JMY: variants seen among roughly 807,000 people sequenced by gnomAD.
The protein encoded by JMY is junction mediating and regulatory protein, p53 cofactor.
A neutral mutation model predicts 103.3 loss-of-function variants in JMY; 46 were observed. The ratio of observed to expected loss-of-function variants is 0.45; its 90% CI spans 0.35 to 0.57. JMY has a LOEUF of 0.57. JMY is among the 20% of genes least tolerant of loss of function. The probability of loss-of-function intolerance (pLI) is 0.00; values close to 1 mark genes in which losing one functional copy is unlikely to be tolerated. For missense variants in JMY, 1,238 were observed against 1,255.2 expected (o/e 0.99, Z 0.21); for synonymous variants, 526 against 489.3 (o/e 1.07, Z -0.99).
At chr5:79,242,638 G>C (rs576285341) in intron 1 of JMY, among the ~76,000 whole-genome samples, 1 of 152,264 alleles carries the variant, frequency 6.6e-6, no homozygotes, top group East Asian at 1.9e-4. Flanking sequence ...TAATCCAAAC[G>C]TGTGCCTTTT....
At chr5:79,308,225 G>A (rs1746945489) in intron 7 of JMY, among the ~76,000 whole-genome samples, 1 of 152,146 alleles carries the variant, frequency 6.6e-6, no homozygotes, top group Non-Finnish European at 1.5e-5. Context: ...TTTTAACAAA[G>A]TCCAATTTAC....
Position 79,300,783 on chromosome 5 carries a change from A to C in JMY, c.1801A>C (p.Lys601Gln). ...SAYLQREELQ[K>Q]LQQKARQLEA... ...GTACTTACAGAGAGAAGAGCTGCAG[A>C]AACTTCAGCAGAAAGCACGCCAGCT... Residue 601 changes from lysine (K) to glutamine (Q), a missense_variant, in exon 6 of 11, where the codon AAA becomes CAA. Physicochemically the swap from Lys to Gln is moderately conservative, Grantham distance 53. Transcript: ENST00000396137. 6.2e-7 allele frequency: 1 copy of C among 1,612,462 alleles called. No homozygotes were observed. Among genetic ancestry groups the C allele is most frequent in the Non-Finnish European group, 8.5e-7 (1 of 1,179,508 alleles).
At chr5:79,281,353 ATT>A (rs35881012) in intron 2 of JMY, among the ~76,000 whole-genome samples, 54,970 of 117,158 alleles carry the variant, frequency 0.47, 11,448 homozygotes, top group Non-Finnish European at 0.54. Context: ...CAAGAAATTA[ATT>A]TTTTTTTTTT....
At chr5:79,239,942 T>TA (rs1263195592) in intron 1 of JMY, among the ~76,000 whole-genome samples, 2 of 152,082 alleles carry the variant, frequency 1.3e-5, no homozygotes, top group Non-Finnish European at 2.9e-5. Context: ...TTACATTTTT[T>TA]AAAAAATGTG....
intron 1 of JMY, among the ~76,000 whole-genome samples, chr5:79,275,560 C>A (rs984813381): frequency 6.6e-6 from 1 of 152,140 alleles, no homozygotes; most frequent in Non-Finnish European, 1.5e-5. Flanking sequence ...TAGAGCCCTC[C>A]CTGCTTCCAA....
chr5:79,267,731 T>A (rs578038446), intron 1 of JMY, among the ~76,000 whole-genome samples: 12 of 152,330 alleles, frequency 7.9e-5, no homozygotes, highest in Admixed American at 3.3e-4. Context: ...TTTCTTTTTC[T>A]TGCCGAACAT....
intron 2 of JMY, chr5:79,284,719 A>G: frequency 6.3e-7 from 1 of 1,592,032 alleles, no homozygotes; most frequent in Non-Finnish European, 8.5e-7. Context: ...ACTCACTTCA[A>G]ACACACGACC....
chr5:79,306,490 A>AAACT (rs756378420), intron 7 of JMY, 29 bp downstream of exon 7: 1 of 1,502,544 alleles, frequency 6.7e-7, no homozygotes, highest in East Asian at 2.3e-5. Flanking sequence ...ATTTTGAACA[A>AAACT]AACTTAATTT....
Position 79,237,824 on chromosome 5 carries a change from T to A in JMY, c.1032+142T>A, listed in dbSNP as rs141952565. The A allele has an allele frequency of 2.0e-3, 1,398 of 689,190 alleles. 10 individuals carry two copies. Among genetic ancestry groups the A allele is most frequent in the African/African-American group, 0.02 (1,106 of 55,490 alleles). The allele number at this position is 689,190 out of a possible 1,614,324, so 42.7% of individuals were successfully genotyped here. On this transcript the variant is annotated intron_variant, in intron 1 of 10. Coordinates refer to ENST00000396137, the MANE Select transcript of JMY (RefSeq NM_152405.5). ...AGCGGAAACCAAGAGGGGTTCCTGA[T>A]CTACCTTGCCCTTCATCCCTCTCGG... is the stretch of plus-strand genomic sequence containing the variant.
At chr5:79,244,828 T>G (rs912895044) in intron 1 of JMY, among the ~76,000 whole-genome samples, 1 of 144,408 alleles carries the variant, frequency 6.9e-6, no homozygotes, top group Non-Finnish European at 1.5e-5. Context: ...TTCTTGTAAC[T>G]ATTTGTTTTT....
intron 1 of JMY, among the ~76,000 whole-genome samples, chr5:79,242,590 C>G (rs887836559): frequency 2.0e-5 from 3 of 152,144 alleles, no homozygotes; most frequent in African/African-American, 7.2e-5. Context: ...GGCTAAACAG[C>G]TGAGTAACCA....
At chr5:79,258,303 TTG>T (rs1322899487) in intron 1 of JMY, among the ~76,000 whole-genome samples, 30 of 136,930 alleles carry the variant, frequency 2.2e-4, no homozygotes, top group African/African-American at 7.2e-4. Context: ...AGGGCTTTTT[TTG>T]TTTTTGTTGT....
In JMY at chr5:79,241,543, G is replaced by A. The variant is rs62366072; in HGVS notation, c.1032+3861G>A. On this transcript the variant is annotated intron_variant, in intron 1 of 10. Transcript: ENST00000396137. ...TTCCTCAGTAAGAGGTTTTTACTTG[G>A]GGATGGTGAATTCCCTGTAAGAGGG... Among the ~76,000 whole-genome samples the A allele has an allele frequency of 5.2e-3, 796 of 152,244 alleles. 4 individuals are homozygous for A. Among genetic ancestry groups the A allele is most frequent in the Non-Finnish European group, 8.6e-3 (587 of 68,024 alleles).
At chr5:79,311,997 G>A (rs1561314687) in intron 7 of JMY, among the ~76,000 whole-genome samples, 1 of 151,858 alleles carries the variant, frequency 6.6e-6, no homozygotes, top group African/African-American at 2.4e-5. Flanking sequence ...TTGTATTTTG[G>A]GTAGAGATAG....
intron 6 of JMY, among the ~76,000 whole-genome samples, chr5:79,305,383 C>T (rs947178886): frequency 6.6e-6 from 1 of 151,648 alleles, no homozygotes; most frequent in Non-Finnish European, 1.5e-5. Flanking sequence ...ACCTGGGAGG[C>T]GGAGGTTGCA....
intron 2 of JMY, among the ~76,000 whole-genome samples, chr5:79,288,108 G>A (rs967306897): frequency 6.6e-6 from 1 of 152,202 alleles, no homozygotes; most frequent in African/African-American, 2.4e-5. Flanking sequence ...ATGTCACTTA[G>A]TGCATAGAAT....
At chr5:79,267,937 G>A (rs1745631969) in intron 1 of JMY, among the ~76,000 whole-genome samples, 1 of 152,218 alleles carries the variant, frequency 6.6e-6, no homozygotes. Flanking sequence ...TAAGGTATGT[G>A]TAGTTTTGTA....
chr5:79,265,780 C>A (rs1430984923), intron 1 of JMY, among the ~76,000 whole-genome samples: 1 of 116,206 alleles, frequency 8.6e-6, no homozygotes. Context: ...TGTGATGATT[C>A]TTTTTTTTTT....
At chr5:79,252,183 T>A (rs1326324330) in intron 1 of JMY, among the ~76,000 whole-genome samples, 1 of 152,158 alleles carries the variant, frequency 6.6e-6, no homozygotes, top group African/African-American at 2.4e-5. Flanking sequence ...ATGATTTGTT[T>A]TAATAAATTT....
Sources: gnomAD v4.1 joint callset for allele counts (sites outside exome capture counted in the v4.1 genomes callset) on GRCh38, gnomAD v4.1.1 for gene constraint, MANE v1.5 for transcripts, NCBI Gene and HGNC (gene_info 2026-07-23, HGNC 2026-07-21) for gene names.